Variants in PPIF observed in about 807,000 individuals in gnomAD.
The protein encoded by PPIF is peptidylprolyl isomerase F, also known as peptidyl-prolyl cis-trans isomerase F, mitochondrial.
Under a neutral mutation model 20.2 loss-of-function variants are expected in PPIF, and 23 were observed. That is an observed-to-expected ratio of 1.14 (90% CI 0.82 to 1.61). The LOEUF is 1.61. Ranked by LOEUF, PPIF falls within the 40% of genes most tolerant of loss-of-function variation. PPIF has a pLI of 0.00. For synonymous variants in PPIF, 113 were observed against 123.1 expected, an observed-to-expected ratio of 0.92 and a Z score of 0.54; for missense variants, 287 against 291.6, an observed-to-expected ratio of 0.98 and a Z score of 0.11.
chr10:79,353,904 T>C lies in PPIF; in HGVS notation c.*62T>C, dbSNP rs561141770. On this transcript the variant is annotated 3_prime_UTR_variant, in exon 6 of 6. Coordinates refer to ENST00000225174, the MANE Select transcript of PPIF (RefSeq NM_005729.4). ...ATGTCCATGCACCCAGGTGGCCGCG[T>C]TGGGCTGTCAGCCAAGGTGCCTGAA... 6.4e-7 allele frequency: 1 copy of C among 1,564,886 alleles called. No individual in the cohort carries two copies. Among genetic ancestry groups the C allele is most frequent in the East Asian group, 2.2e-5 (1 of 44,466 alleles).
intron 1 of PPIF, among the ~76,000 whole-genome samples, chr10:79,348,663 C>T (rs1013620863): frequency 2.6e-5 from 4 of 152,252 alleles, no homozygotes; most frequent in South Asian, 4.2e-4. Flanking sequence ...TTCAGCCTTC[C>T]CTCCCCACAC....
At chr10:79,349,579 G>T (rs1291026942) in intron 2 of PPIF, 86 bp from the exon 3 acceptor site, 1 of 1,579,620 alleles carries the variant, frequency 6.3e-7, no homozygotes, top group Admixed American at 1.8e-5. Flanking sequence ...CACTGCTGGG[G>T]ATGTAGCAGG....
At position 79,353,851 on chromosome 10, in the gene PPIF, C is replaced by T; in HGVS notation, c.*9C>T. The T allele has an allele frequency of 6.2e-7, 1 of 1,613,678 alleles. No individual in the cohort carries two copies. Among genetic ancestry groups the T allele is most frequent in the Non-Finnish European group, 8.5e-7 (1 of 1,179,688 alleles). ...GTGGCCAGTTGAGCTAATCTGTGGC[C>T]AGGGTGCTGGCATGGTGGCAGCTGC... On this transcript the variant is annotated 3_prime_UTR_variant, in exon 6 of 6. Coordinates refer to ENST00000225174, the MANE Select transcript of PPIF (RefSeq NM_005729.4).
chr10:79,347,739 T>C lies in PPIF; in HGVS notation c.191T>C (p.Leu64Pro). ...ANGKPLGRVV[L>P]ELKADVVPKT... ...GGGAAGCCGCTCGGCCGCGTGGTGC[T>C]GGAGGTGAGACCGCTCGCAGGGCCG... is the stretch of plus-strand genomic sequence containing the variant. The change falls in exon 1 of 6, where the codon CTG becomes CCG. Residue 64 changes from leucine (L) to proline (P), a missense_variant. Transcript: ENST00000225174. The C allele has an allele frequency of 7.2e-7, 1 of 1,391,838 alleles. No homozygotes were observed. The highest frequency in any genetic ancestry group is 9.4e-7 in the Non-Finnish European group (1 of 1,064,822). 86.2% of individuals were successfully genotyped at this position (1,391,838 alleles called of 1,614,324 possible).
Position 79,347,500 on chromosome 10 carries a change from T to G in PPIF, c.-49T>G, listed in dbSNP as rs1266272950. On this transcript the variant is annotated 5_prime_UTR_variant, in exon 1 of 6. Transcript: ENST00000225174. ...CCTTCTGGGCGCGCGCGACGTCAGT[T>G]TGAGTTCTGTGTTCTCCCCGCCCGT... 7 of 1,262,464 alleles carry G rather than the reference T, an allele frequency of 5.5e-6. No individual in the cohort carries two copies. In the Admixed American group the frequency reaches 2.1e-4, roughly 39 times the overall value. The allele number at this position is 1,262,464 out of a possible 1,614,324, so 78.2% of individuals were successfully genotyped here. A position where few individuals can be genotyped will look rare whatever the true frequency, so the allele number is the denominator to read the frequency against.
rs1185930508 is a variant in PPIF, at chr10:79,347,598, C to T, written c.50C>T (p.Pro17Leu). 6.3e-6 allele frequency: 9 copies of T among 1,425,784 alleles called. No homozygotes were observed. The highest frequency in any genetic ancestry group is 6.4e-6 in the Non-Finnish European group (7 of 1,086,836). 88.3% of individuals were successfully genotyped at this position (1,425,784 alleles called of 1,614,324 possible). A position where few individuals can be genotyped will look rare whatever the true frequency, so the allele number is the denominator to read the frequency against. Residue 17 changes from proline (P) to leucine (L), a missense_variant, in exon 1 of 6, where the codon CCG becomes CTG. Coordinates refer to ENST00000225174, the MANE Select transcript of PPIF (RefSeq NM_005729.4). ...CGCTGGCTCGGCCTGCTCTCCGTCC[C>T]GCGCTCCGTGCCGCTGCGCCTCCCC... is the stretch of plus-strand genomic sequence containing the variant. Reference protein sequence around the residue: ...GSRWLGLLSVPRSVPLRLPAA... With the variant: ...GSRWLGLLSVLRSVPLRLPAA...
chr10:79,348,969 T>A, intron 1 of PPIF, 107 bp from the exon 2 acceptor site: 4 of 1,610,246 alleles, frequency 2.5e-6, no homozygotes, highest in Non-Finnish European at 3.4e-6. Context: ...ACGTGCTTCT[T>A]CCTTAGCCTC....
At chr10:79,349,220 A>C in intron 2 of PPIF, 114 bp downstream of exon 2, 5 of 1,601,334 alleles carry the variant, frequency 3.1e-6, no homozygotes, top group Non-Finnish European at 4.3e-6. Flanking sequence ...GACAGATGGG[A>C]GCTCCATGTG....
At position 79,347,694 on chromosome 10, in the gene PPIF, A is replaced by T. The variant is rs749368451; in HGVS notation, c.146A>T (p.Tyr49Phe). The change falls in exon 1 of 6, where the codon TAC becomes TTC. Residue 49 changes from tyrosine (Y) to phenylalanine (F), a missense_variant. Tyr to Phe is a conservative substitution (Grantham distance 22). Coordinates refer to ENST00000225174, the MANE Select transcript of PPIF (RefSeq NM_005729.4). The stretch of plus-strand genomic sequence containing the variant: ...TCCTCCTCCGGGAACCCGCTCGTGT[A>T]CCTGGACGTGGACGCCAACGGGAAG... The part of the protein sequence containing the change: ...SSSSSGNPLV[Y>F]LDVDANGKPL... The T allele has an allele frequency of 5.8e-5, 86 of 1,477,932 alleles. No individual in the cohort carries two copies. Among genetic ancestry groups the T allele is most frequent in the Non-Finnish European group, 7.4e-5 (82 of 1,110,424 alleles). The allele number at this position is 1,477,932 out of a possible 1,614,324, so 91.6% of individuals were successfully genotyped here. A position where few individuals can be genotyped will look rare whatever the true frequency, so the allele number is the denominator to read the frequency against.
At chr10:79,352,740 A>C (rs1855999343) in intron 5 of PPIF, among the ~76,000 whole-genome samples, 3 of 152,378 alleles carry the variant, frequency 2.0e-5, no homozygotes, top group Admixed American at 2.0e-4. Context: ...ACTGAGTAGA[A>C]GCCCACTTGT....
rs746573060 is a variant in PPIF, at chr10:79,353,748, G to T, written c.530G>T (p.Gly177Val). The T allele has an allele frequency of 3.9e-5, 63 of 1,614,112 alleles. 1 individual carries two copies. Among genetic ancestry groups the T allele is most frequent in the Admixed American group, 1.2e-4 (7 of 60,004 alleles). Residue 177 changes from glycine (G) to valine (V), a missense_variant, in exon 6 of 6, where the codon GGC (glycine) becomes GTC (valine). By Grantham distance (109) the Gly-to-Val change is moderately radical (BLOSUM62 -3). Coordinates refer to ENST00000225174, the MANE Select transcript of PPIF (RefSeq NM_005729.4). ...GTTGTGTTCGGTCACGTCAAAGAGG[G>T]CATGGACGTCGTGAAGAAAATAGAA... Reference protein sequence around the residue: ...KHVVFGHVKEGMDVVKKIESF... With the variant: ...KHVVFGHVKEVMDVVKKIESF...
intron 3 of PPIF, among the ~76,000 whole-genome samples, chr10:79,350,517 G>A (rs1355600425): frequency 6.6e-6 from 1 of 152,218 alleles, no homozygotes; most frequent in Non-Finnish European, 1.5e-5. Flanking sequence ...GGCCGTCATC[G>A]TACCGTGGTA....
Position 79,353,989 on chromosome 10 carries a change from A to G in PPIF, c.*147A>G. Reference sequence around the variant, plus strand: ...CCTGAGGAAGGCTGCTAGGGATGTTAGACCTCGGCCAGGACCCACCACATT... The same window carrying G: ...CCTGAGGAAGGCTGCTAGGGATGTTGGACCTCGGCCAGGACCCACCACATT... On this transcript the variant is annotated 3_prime_UTR_variant, in exon 6 of 6. Coordinates refer to ENST00000225174, the MANE Select transcript of PPIF (RefSeq NM_005729.4). 1 of 921,754 alleles carries G rather than the reference A, an allele frequency of 1.1e-6. No homozygotes were observed. The highest frequency in any genetic ancestry group is 1.6e-6 in the Non-Finnish European group (1 of 614,988). 57.1% of individuals were successfully genotyped at this position (921,754 alleles called of 1,614,324 possible).
At chr10:79,353,032 C>G (rs942790341) in intron 5 of PPIF, among the ~76,000 whole-genome samples, 5 of 152,262 alleles carry the variant, frequency 3.3e-5, no homozygotes, top group African/African-American at 1.2e-4. Flanking sequence ...TGGGAGCTGA[C>G]TTGGTAAAGC....
intron 5 of PPIF, 26 bp downstream of exon 5, chr10:79,352,418 G>A (rs1855995741): frequency 6.2e-7 from 1 of 1,602,114 alleles, no homozygotes; most frequent in Non-Finnish European, 8.6e-7. Flanking sequence ...CAGGCCCTCT[G>A]GGAATGCGGG....
Position 79,352,391 on chromosome 10 carries a change from T to C in PPIF, c.487T>C (p.Trp163Arg). Residue 163 changes from tryptophan to arginine, a missense_variant and splice_region_variant, in exon 5 of 6, where the codon TGG becomes CGG. By Grantham distance (101) the Trp-to-Arg change is moderately radical. Transcript: ENST00000225174. ...QFFICTIKTD[W>R]LDGKHVVFGH... ...CTTCATCTGCACCATAAAGACAGACTGGTGAGTTCCCTGCCCCAGGCCCTC... is the reference window on the plus strand; with the variant it reads ...CTTCATCTGCACCATAAAGACAGACCGGTGAGTTCCCTGCCCCAGGCCCTC... 1 of 1,613,618 alleles carries C rather than the reference T, an allele frequency of 6.2e-7. No individual in the cohort carries two copies. Among genetic ancestry groups the C allele is most frequent in the Non-Finnish European group, 8.5e-7 (1 of 1,179,526 alleles).
rs1307658685 is a variant in PPIF at position 79,347,547 on chromosome 10, C to G, written c.-2C>G. On this transcript the variant is annotated 5_prime_UTR_variant, in exon 1 of 6. Coordinates refer to ENST00000225174, the MANE Select transcript of PPIF (RefSeq NM_005729.4). ...CCGTGTCCCGCCCGACCCGCGCCCG[C>G]GATGCTGGCGCTGCGCTGCGGCTCC... 2 of 1,303,354 alleles carry G rather than the reference C, an allele frequency of 1.5e-6. No individual in the cohort carries two copies. Among genetic ancestry groups the G allele is most frequent in the Non-Finnish European group, 1.9e-6 (2 of 1,030,820 alleles). The allele number at this position is 1,303,354 out of a possible 1,614,324, so 80.7% of individuals were successfully genotyped here. A position where few individuals can be genotyped will look rare whatever the true frequency, so the allele number is the denominator to read the frequency against.
Position 79,353,779 on chromosome 10 carries a change from C to A in PPIF, c.561C>A (p.Phe187Leu), listed in dbSNP as rs2230224. ...GMDVVKKIES[F>L]GSKSGRTSKK... ...ACGTCGTGAAGAAAATAGAATCTTT[C>A]GGCTCTAAGAGTGGGAGGACATCCA... is the stretch of plus-strand genomic sequence containing the variant. Residue 187 changes from phenylalanine (F) to leucine (L), a missense_variant, in exon 6 of 6, where the codon TTC becomes TTA. Coordinates refer to ENST00000225174, the MANE Select transcript of PPIF (RefSeq NM_005729.4). The A allele has an allele frequency of 6.2e-7, 1 of 1,614,208 alleles. No homozygotes were observed. The highest frequency in any genetic ancestry group is 8.5e-7 in the Non-Finnish European group (1 of 1,180,044).
intron 5 of PPIF, 142 bp from the exon 6 acceptor site, chr10:79,353,565 C>T (rs567091424): frequency 2.6e-5 from 38 of 1,458,394 alleles, no homozygotes; most frequent in East Asian, 2.3e-4. Flanking sequence ...AAGGCTTGAT[C>T]GAGCTTTGGG....
Sources: gnomAD v4.1 joint callset for allele counts (sites outside exome capture counted in the v4.1 genomes callset) on GRCh38, gnomAD v4.1.1 for gene constraint, MANE v1.5 for transcripts, NCBI Gene and HGNC (gene_info 2026-07-23, HGNC 2026-07-21) for gene names.